ADAD1: variants seen among roughly 807,000 people sequenced by gnomAD.
The protein encoded by ADAD1 is adenosine deaminase domain-containing protein 1.
ADAD1 carries 46 observed loss-of-function variants against 66.8 expected under a neutral mutation model. The observed-to-expected ratio is 0.69, with a 90% CI of 0.54 to 0.88. ADAD1 has a LOEUF of 0.88. ADAD1 is among the 40% of genes least tolerant of loss of function. The pLI is 0.00. For synonymous variants in ADAD1, 248 were observed against 229.4 expected (o/e 1.08, Z -0.73); for missense variants, 617 against 681.8 (o/e 0.91, Z 1.06).
chr4:122,427,523 C>CTTTTT (rs59864757), intron 12 of ADAD1, among the ~76,000 whole-genome samples: 5 of 71,980 alleles, frequency 6.9e-5, no homozygotes, highest in African/African-American at 1.1e-4. Flanking sequence ...ATCCAAAGGC[C>CTTTTT]TTTTTTTTTT....
chr4:122,394,595 A>T (rs1795608619), intron 6 of ADAD1, among the ~76,000 whole-genome samples: 1 of 152,224 alleles, frequency 6.6e-6, no homozygotes, highest in African/African-American at 2.4e-5. Flanking sequence ...AAAGACAAAA[A>T]TCCACCAATA....
chr4:122,411,011 G>A (rs1014806247), intron 8 of ADAD1, among the ~76,000 whole-genome samples: 1 of 152,088 alleles, frequency 6.6e-6, no homozygotes, highest in Non-Finnish European at 1.5e-5. Flanking sequence ...GGTGTTTTAA[G>A]TCAGGTTACA....
At chr4:122,391,623 C>T (rs1481564245) in intron 5 of ADAD1, among the ~76,000 whole-genome samples, 1 of 152,234 alleles carries the variant, frequency 6.6e-6, no homozygotes, top group Admixed American at 6.5e-5. Context: ...CAGGTTTAGG[C>T]CTGAAGAGGC....
intron 5 of ADAD1, among the ~76,000 whole-genome samples, chr4:122,392,388 T>C (rs1338848383): frequency 2.0e-5 from 3 of 152,158 alleles, no homozygotes; most frequent in Admixed American, 6.5e-5. Flanking sequence ...AATAAAGTCA[T>C]GTCCTTTGCA....
chr4:122,429,269 C>CA (rs895391631), intron 12 of ADAD1, among the ~76,000 whole-genome samples: 1 of 151,378 alleles, frequency 6.6e-6, no homozygotes, highest in Middle Eastern at 3.4e-3. Context: ...CTTGCCTCTG[C>CA]AAAAAATAAA....
chr4:122,388,340 T>C (rs1795274099), intron 5 of ADAD1, among the ~76,000 whole-genome samples: 1 of 152,226 alleles, frequency 6.6e-6, no homozygotes, highest in Admixed American at 6.5e-5. Context: ...TTTTTTGTTG[T>C]GTCTTTTCCT....
intron 9 of ADAD1, among the ~76,000 whole-genome samples, chr4:122,412,218 TC>T (rs1346682039): frequency 2.1e-4 from 32 of 152,282 alleles, no homozygotes; most frequent in Middle Eastern, 6.8e-3. Context: ...AAAATAGTTT[TC>T]CTTTTTTTCA....
At chr4:122,383,738 A>G in intron 4 of ADAD1, 61 bp from the exon 5 acceptor site, 1 of 1,512,194 alleles carries the variant, frequency 6.6e-7, no homozygotes, top group Non-Finnish European at 8.8e-7. Flanking sequence ...CTATGTACAT[A>G]CATTGTTTGC....
At chr4:122,382,292 T>A (rs1794935274) in intron 4 of ADAD1, among the ~76,000 whole-genome samples, 1 of 152,228 alleles carries the variant, frequency 6.6e-6, no homozygotes, top group Non-Finnish European at 1.5e-5. Flanking sequence ...TATAGTTCAA[T>A]AATCCAGTGT....
intron 7 of ADAD1, among the ~76,000 whole-genome samples, chr4:122,397,702 T>C (rs138054998): frequency 9.5e-4 from 145 of 152,182 alleles, no homozygotes; most frequent in African/African-American, 3.0e-3. Flanking sequence ...TTAAAAAAAT[T>C]TGATAAGGTG....
At chr4:122,421,718 A>G (rs1189826174) in intron 12 of ADAD1, among the ~76,000 whole-genome samples, 4 of 152,112 alleles carry the variant, frequency 2.6e-5, no homozygotes, top group Non-Finnish European at 4.4e-5. Flanking sequence ...TACTAACTAT[A>G]GAATGTTAAG....
At chr4:122,422,292 T>C (rs1178755520) in intron 12 of ADAD1, among the ~76,000 whole-genome samples, 1 of 152,118 alleles carries the variant, frequency 6.6e-6, no homozygotes, top group Non-Finnish European at 1.5e-5. Flanking sequence ...GCTGGGCTAA[T>C]TTTTGTACTT....
intron 7 of ADAD1, among the ~76,000 whole-genome samples, chr4:122,402,190 C>T (rs567803268): frequency 2.6e-5 from 4 of 152,092 alleles, no homozygotes; most frequent in South Asian, 2.1e-4. Flanking sequence ...ATACTGGCTT[C>T]GCAGTGGTGA....
chr4:122,422,977 A>AAAGAAG (rs1553925583), intron 12 of ADAD1, among the ~76,000 whole-genome samples: 1 of 149,118 alleles, frequency 6.7e-6, no homozygotes, highest in African/African-American at 2.5e-5. Context: ...AAAAAAAAAA[A>AAAGAAG]AAGAAGAAGA....
intron 7 of ADAD1, among the ~76,000 whole-genome samples, chr4:122,403,928 G>C (rs552718697): frequency 3.2e-4 from 49 of 152,172 alleles, no homozygotes; most frequent in Non-Finnish European, 5.7e-4. Context: ...CCTCTGCTCT[G>C]TCATACATGT....
At chr4:122,401,565 G>A (rs1795978602) in intron 7 of ADAD1, among the ~76,000 whole-genome samples, 1 of 152,104 alleles carries the variant, frequency 6.6e-6, no homozygotes, top group Non-Finnish European at 1.5e-5. Context: ...CTTTTGTCTT[G>A]ATGACCTGTG....
intron 7 of ADAD1, among the ~76,000 whole-genome samples, chr4:122,404,496 T>A (rs1442827337): frequency 1.3e-5 from 2 of 152,164 alleles, no homozygotes; most frequent in African/African-American, 4.8e-5. Flanking sequence ...AGAGGTAGGC[T>A]TTTCCCCACC....
At chr4:122,396,467 T>C in intron 7 of ADAD1, 90 bp downstream of exon 7, 2 of 1,107,602 alleles carry the variant, frequency 1.8e-6, no homozygotes, top group Non-Finnish European at 2.4e-6. Flanking sequence ...CACAATGGTG[T>C]TGCATTGATT....
chr4:122,379,508 G>A (rs1794768152), intron 2 of ADAD1, 63 bp downstream of exon 2: 1 of 152,532 alleles, frequency 6.6e-6, no homozygotes, highest in South Asian at 2.1e-4. Context: ...GGCGACGCGA[G>A]GCCTCTTTTG....
Sources: gnomAD v4.1 joint callset for allele counts (sites outside exome capture counted in the v4.1 genomes callset) on GRCh38, gnomAD v4.1.1 for gene constraint, MANE v1.5 for transcripts, NCBI Gene and HGNC (gene_info 2026-07-23, HGNC 2026-07-21) for gene names.